GPI: variants seen among roughly 807,000 people sequenced by gnomAD.
The protein encoded by GPI is glucose-6-phosphate isomerase.
A neutral mutation model predicts 75.8 loss-of-function variants in GPI; 56 were observed. The observed-to-expected ratio is 0.74, with a 90% CI of 0.60 to 0.92. The LOEUF is 0.92. Among genes scored for constraint, GPI ranks in the 40% least tolerant of loss-of-function variants. GPI has a pLI of 0.00. For synonymous variants in GPI, 288 were observed against 285.4 expected, an observed-to-expected ratio of 1.01 and a Z score of -0.09; for missense variants, 638 against 741.0, an observed-to-expected ratio of 0.86 and a Z score of 1.61.
chr19:34,389,233 C>G lies in GPI; in HGVS notation c.805-4015C>G, dbSNP rs540400767. ...AGCCTTTCCAAGTGAGTGGCCCCACCGGTCATCTCATTGCCCAAGCCAGAA... is the reference window on the plus strand; with the variant it reads ...AGCCTTTCCAAGTGAGTGGCCCCACGGGTCATCTCATTGCCCAAGCCAGAA... On this transcript the variant is annotated intron_variant, in intron 9 of 17. Coordinates refer to ENST00000356487, the MANE Select transcript of GPI (RefSeq NM_000175.5). Among the ~76,000 whole-genome samples the G allele has an allele frequency of 5.1e-4, 78 of 152,298 alleles. No individual in the cohort carries two copies. The South Asian group carries it at 0.016, about 31-fold the overall frequency.
At chr19:34,360,969 G>C (rs1022517133), upstream of GPI, among the ~76,000 whole-genome samples, 1 of 152,010 alleles carries the variant, frequency 6.6e-6, no homozygotes, top group African/African-American at 2.4e-5. Flanking sequence ...GTAGAGACAG[G>C]GTTTCACCAT....
At chr19:34,367,234 G>A (rs1228307164) in intron 3 of GPI, 1 of 358,706 alleles carries the variant, frequency 2.8e-6, no homozygotes. Flanking sequence ...GAGTCAATAG[G>A]AAGCAGTGGT....
chr19:34,373,577 T>A (rs973495579), intron 4 of GPI, among the ~76,000 whole-genome samples: 1 of 150,048 alleles, frequency 6.7e-6, no homozygotes, highest in Non-Finnish European at 1.5e-5. Context: ...AAAAAAAAAA[T>A]TAAAAGAAAA....
At chr19:34,369,093 G>A (rs1414512669) in intron 4 of GPI, among the ~76,000 whole-genome samples, 3 of 150,606 alleles carry the variant, frequency 2.0e-5, no homozygotes, top group Admixed American at 2.0e-4. Flanking sequence ...CTCTCGCCCA[G>A]AGTGGACTGC....
chr19:34,388,476 CAAA>C (rs11430472), intron 9 of GPI, among the ~76,000 whole-genome samples: 1 of 149,820 alleles, frequency 6.7e-6, no homozygotes, highest in African/African-American at 2.4e-5. Flanking sequence ...GACCCTGTCT[CAAA>C]AAAAAAGAAA....
chr19:34,374,130 CTT>C (rs749828679), intron 4 of GPI, among the ~76,000 whole-genome samples: 20 of 114,102 alleles, frequency 1.8e-4, no homozygotes, highest in East Asian at 3.0e-4. Context: ...CCATGCCCGC[CTT>C]TTTTTTTTTT....
chr19:34,364,369 G>A (rs1244179518), upstream of GPI, among the ~76,000 whole-genome samples: 1 of 148,804 alleles, frequency 6.7e-6, no homozygotes, highest in African/African-American at 2.5e-5. Flanking sequence ...CCTCCCTTTT[G>A]CTCTCTGACC....
rs1801015 is a variant in GPI, at chr19:34,377,737, A to G, written c.489A>G (p.Gly163=). The change falls in exon 6 of 18, where the codon GGA becomes GGG. Residue 163 remains glycine (G), a splice_region_variant and synonymous_variant. Transcript: ENST00000356487. ...TCTGATGCTATGTCTCCCCGCAGGG[A>G]CCCCTCATGGTGACTGAAGCCCTTA... ...INIGIGGSDL[G]PLMVTEALKP... is the part of the protein sequence containing the mutation. The G allele has an allele frequency of 0.087, 139,701 of 1,613,160 alleles. 9,609 individuals are homozygous for G. The highest frequency in any genetic ancestry group is 0.35 in the African/African-American group (25,840 of 74,776).
Position 34,365,372 on chromosome 19 carries a change from C to T in GPI, c.106C>T (p.Arg36Cys). The change falls in exon 1 of 18, where the codon CGC (arginine) becomes TGC (cysteine). Residue 36 changes from arginine (R) to cysteine (C), a missense_variant. Arg to Cys is a radical substitution (Grantham distance 180, BLOSUM62 -3). Coordinates refer to ENST00000356487, the MANE Select transcript of GPI (RefSeq NM_000175.5). ...LRRLFDANKD[R>C]FNHFSLTLNT... ...CCGCCTCTTCGATGCCAACAAGGACCGCTTCAACCACTTCAGGTGCGGGCG... is the reference window on the plus strand; with the variant it reads ...CCGCCTCTTCGATGCCAACAAGGACTGCTTCAACCACTTCAGGTGCGGGCG... 1 of 1,587,748 alleles carries T rather than the reference C, an allele frequency of 6.3e-7. No individual in the cohort carries two copies. Among genetic ancestry groups the T allele is most frequent in the Non-Finnish European group, 8.6e-7 (1 of 1,169,516 alleles).
rs530839156 is a variant in GPI at position 34,398,949 on chromosome 19, T to G, written c.1270-258T>G. ...CTCGAGCTCCTGACCTCGTGGTCCA[T>G]CCGCCTCGGCCTCCCAAAGTGTCGG... On this transcript the variant is annotated intron_variant, in intron 14 of 17. Coordinates refer to ENST00000356487, the MANE Select transcript of GPI (RefSeq NM_000175.5). 11 of 339,722 alleles carry G rather than the reference T, an allele frequency of 3.2e-5. No individual in the cohort carries two copies. The East Asian group carries it at 7.3e-4, about 23-fold the overall frequency. 21.0% of individuals were successfully genotyped at this position (339,722 alleles called of 1,614,324 possible).
chr19:34,398,850 C>T (rs994230221), intron 14 of GPI: 10 of 210,796 alleles, frequency 4.7e-5, no homozygotes, highest in South Asian at 3.6e-4. Flanking sequence ...GACAGGCATG[C>T]GCCACCATGC....
intron 4 of GPI, among the ~76,000 whole-genome samples, chr19:34,375,226 T>A (rs924878528): frequency 2.0e-5 from 3 of 150,598 alleles, no homozygotes; most frequent in Non-Finnish European, 2.9e-5. Context: ...CACTGCAACC[T>A]CTGCCTCCTG....
chr19:34,378,155 C>T (rs140779281), intron 6 of GPI, among the ~76,000 whole-genome samples: 2 of 152,306 alleles, frequency 1.3e-5, no homozygotes, highest in Non-Finnish European at 2.9e-5. Flanking sequence ...TGGGACTGCT[C>T]GCCACTTTCT....
intron 9 of GPI, among the ~76,000 whole-genome samples, chr19:34,383,818 G>A (rs2074691764): frequency 6.6e-6 from 1 of 152,194 alleles, no homozygotes; most frequent in South Asian, 2.1e-4. Context: ...CAGACATCAA[G>A]GCTGAGCCAG....
upstream of GPI, among the ~76,000 whole-genome samples, chr19:34,362,475 A>T (rs2074306489): frequency 6.6e-6 from 1 of 151,966 alleles, no homozygotes; most frequent in African/African-American, 2.4e-5. Context: ...CAGAGGCCTC[A>T]CCTCCTGCCT....
chr19:34,389,722 G>A (rs969260105), intron 9 of GPI, among the ~76,000 whole-genome samples: 2 of 152,182 alleles, frequency 1.3e-5, no homozygotes, highest in African/African-American at 4.8e-5. Context: ...ATGCCTGCTC[G>A]TTCTTGAGAT....
upstream of GPI, chr19:34,364,705 C>T: frequency 2.5e-6 from 1 of 393,110 alleles, no homozygotes. Flanking sequence ...ATTGCAACCC[C>T]GATTCTCAGC....
intron 7 of GPI, among the ~76,000 whole-genome samples, 197 bp downstream of exon 7, chr19:34,379,202 C>T (rs1053886678): frequency 1.3e-5 from 2 of 152,232 alleles, no homozygotes; most frequent in African/African-American, 4.8e-5. Context: ...GTGACAGAAC[C>T]TGCTCTCGCT....
chr19:34,378,401 G>C (rs558468011), intron 6 of GPI, among the ~76,000 whole-genome samples: 4 of 152,056 alleles, frequency 2.6e-5, no homozygotes, highest in South Asian at 2.1e-4. Flanking sequence ...TTTTAGTAGA[G>C]ATGGGCTTTT....
Sources: gnomAD v4.1 joint callset for allele counts (sites outside exome capture counted in the v4.1 genomes callset) on GRCh38, gnomAD v4.1.1 for gene constraint, MANE v1.5 for transcripts, NCBI Gene and HGNC (gene_info 2026-07-23, HGNC 2026-07-21) for gene names.